The following TACC2 variants were observed in gnomAD, a reference collection of about 807,000 sequenced individuals.
The protein encoded by TACC2 is transforming acidic coiled-coil-containing protein 2.
A neutral mutation model predicts 227.3 loss-of-function variants in TACC2; 137 were observed. The ratio of observed to expected loss-of-function variants is 0.60; its 90% CI spans 0.52 to 0.69. The LOEUF (loss-of-function observed/expected upper bound fraction) is 0.69, where lower values mean the gene tolerates loss of function less well. Among genes scored for constraint, TACC2 ranks in the 30% least tolerant of loss-of-function variants. The pLI, the probability that TACC2 is intolerant of heterozygous loss-of-function variation, is 0.00. For synonymous variants in TACC2, 1,523 were observed against 1,487.5 expected, an observed-to-expected ratio of 1.02 and a Z score of -0.55; for missense variants, 3,470 against 3,694.4, an observed-to-expected ratio of 0.94 and a Z score of 1.57.
intron 5 of TACC2, among the ~76,000 whole-genome samples, chr10:122,105,391 A>T (rs2082636269): frequency 6.6e-6 from 1 of 152,156 alleles, no homozygotes; most frequent in Non-Finnish European, 1.5e-5. Flanking sequence ...TGGAGGGGGA[A>T]GTGATCAGGG....
At chr10:122,125,776 C>T (rs1170155260) in intron 5 of TACC2, among the ~76,000 whole-genome samples, 7 of 117,204 alleles carry the variant, frequency 6.0e-5, no homozygotes, top group South Asian at 2.9e-4. Flanking sequence ...AATATCCTTC[C>T]TTTTTTTTTT....
chr10:122,104,391 C>T lies in TACC2; in HGVS notation c.5573+15800C>T, dbSNP rs1342420025. ...TTATGATTTTTTTTTTCTTTTGAGA[C>T]GAAGTCTTGCTCTGTCACCCAGGCT... On this transcript the variant is annotated intron_variant, in intron 5 of 22. Transcript: ENST00000369005. Among the ~76,000 whole-genome samples, 11 of 151,620 alleles carry T rather than the reference C, an allele frequency of 7.3e-5. 1 individual carries two copies. The highest frequency in any genetic ancestry group is 1.5e-4 in the African/African-American group (6 of 41,298).
chr10:122,122,160 C>G (rs1471004556), intron 5 of TACC2, among the ~76,000 whole-genome samples: 3 of 152,196 alleles, frequency 2.0e-5, no homozygotes, highest in Non-Finnish European at 2.9e-5. Context: ...TCGAGACCAT[C>G]CTGGCTAACA....
intron 5 of TACC2, among the ~76,000 whole-genome samples, chr10:122,120,564 C>G (rs1199349547): frequency 6.6e-6 from 1 of 152,154 alleles, no homozygotes; most frequent in Non-Finnish European, 1.5e-5. Context: ...GTCGACGCTG[C>G]TCTGAGGCTG....
At chr10:122,213,358 A>G in intron 9 of TACC2, 1 of 1,612,068 alleles carries the variant, frequency 6.2e-7, no homozygotes, top group Non-Finnish European at 8.5e-7. Context: ...TGAAGATGTG[A>G]TGTCTGTGTG....
At chr10:122,143,742 C>T (rs746661012) in intron 7 of TACC2, 36 bp downstream of exon 7, 56 of 1,602,242 alleles carry the variant, frequency 3.5e-5, no homozygotes, top group Admixed American at 1.5e-4. Flanking sequence ...CACCTGCCCC[C>T]GGAGAGCAGG....
intron 3 of TACC2, among the ~76,000 whole-genome samples, chr10:122,075,467 C>G (rs768891067): frequency 1.3e-5 from 2 of 152,172 alleles, no homozygotes; most frequent in African/African-American, 4.8e-5. Context: ...ACTGGACTCA[C>G]GGGGGCTGGC....
rs780875270 is a variant in TACC2 at position 122,085,590 on chromosome 10, G to C, written c.3090G>C (p.Leu1030Phe). ...ATGGTTGTTCCCCACTCTGGGGCTT[G>C]AGTAAGAGGGAGATGGCAAGTGGAA... ...AADGCSPLWGLSKREMASGNT... is the reference protein window; with the variant it reads ...AADGCSPLWGFSKREMASGNT... The change falls in exon 4 of 23, where the codon TTG (leucine) becomes TTC (phenylalanine). Residue 1030 changes from leucine to phenylalanine, a missense_variant. Around this residue, in one of 10 missense-constraint regions of TACC2, gnomAD observed 1,924 missense variants for 1,978.3 expected, o/e 0.97. Coordinates refer to ENST00000369005, the MANE Select transcript of TACC2 (RefSeq NM_206862.4). 7 of 1,613,186 alleles carry C rather than the reference G, an allele frequency of 4.3e-6. No homozygotes were observed. The highest frequency in any genetic ancestry group is 5.9e-6 in the Non-Finnish European group (7 of 1,180,054).
Position 122,084,448 on chromosome 10 carries a change from C to T in TACC2, c.1948C>T (p.Gln650Ter). The change falls in exon 4 of 23, where the codon CAG (glutamine) becomes TAG (stop). Residue 650 changes from glutamine (Q) to a stop codon, truncating the protein, a stop_gained. Coordinates refer to ENST00000369005, the MANE Select transcript of TACC2 (RefSeq NM_206862.4). LOFTEE classifies it high-confidence loss of function. ...TGGGCACACGGACGGGCCCCACTCT[C>T]AGACAGCAGAGGCTGATGCATCTGG... ...GAGHTDGPHS[Q>*]TAEADASGLP... The T allele has an allele frequency of 6.2e-7, 1 of 1,612,916 alleles. No individual in the cohort carries two copies. The highest frequency in any genetic ancestry group is 8.5e-7 in the Non-Finnish European group (1 of 1,180,008).
chr10:122,212,588 A>T (rs967439677), intron 9 of TACC2, among the ~76,000 whole-genome samples: 3 of 152,178 alleles, frequency 2.0e-5, no homozygotes, highest in Non-Finnish European at 4.4e-5. Context: ...GGCTGAGGAG[A>T]TCAGTCTCCC....
At chr10:122,142,934 T>C (rs980723382) in intron 6 of TACC2, among the ~76,000 whole-genome samples, 2 of 152,226 alleles carry the variant, frequency 1.3e-5, no homozygotes, top group African/African-American at 4.8e-5. Context: ...TTGGCTTTTG[T>C]GGGGAGTGGT....
Position 122,086,989 on chromosome 10 carries a change from C to T in TACC2, c.4489C>T (p.Leu1497Phe), listed in dbSNP as rs1236328663. 6 of 1,613,860 alleles carry T rather than the reference C, an allele frequency of 3.7e-6. No individual in the cohort carries two copies. The highest frequency in any genetic ancestry group is 5.1e-6 in the Non-Finnish European group (6 of 1,180,050). ...LALQDPASDKLLGPAGLTWER... is the reference protein window; with the variant it reads ...LALQDPASDKFLGPAGLTWER... Reference sequence around the variant, plus strand: ...TCTGCAAGATCCAGCTTCAGACAAGCTTCTGGGTCCAGCAGGGCTGACCTG... The same window carrying T: ...TCTGCAAGATCCAGCTTCAGACAAGTTTCTGGGTCCAGCAGGGCTGACCTG... The change falls in exon 4 of 23, where the codon CTT becomes TTT. Residue 1497 changes from leucine to phenylalanine, a missense_variant. Coordinates refer to ENST00000369005, the MANE Select transcript of TACC2 (RefSeq NM_206862.4).
rs753289073 is a variant in TACC2 at position 122,050,457 on chromosome 10, C to T, written c.53C>T (p.Thr18Ile). 28 of 1,614,088 alleles carry T rather than the reference C, an allele frequency of 1.7e-5. No homozygotes were observed. The highest frequency in any genetic ancestry group is 3.3e-4 in the Middle Eastern group (2 of 6,060). ...SDNQRTLSAQTPRSAQPPGNS... is the reference protein window; with the variant it reads ...SDNQRTLSAQIPRSAQPPGNS... ...GCTCAGAGGACTTTATCAGCTCAGA[C>T]TCCAAGGTCCGCGCAGCCACCCGGG... The change falls in exon 3 of 23, where the codon ACT (threonine) becomes ATT (isoleucine). Residue 18 changes from threonine (T) to isoleucine (I), a missense_variant. Thr to Ile is a moderately conservative substitution (Grantham distance 89). This residue lies in a region of TACC2 where 405 missense variants were observed against 389.6 expected (regional missense o/e 1.04). Coordinates refer to ENST00000369005, the MANE Select transcript of TACC2 (RefSeq NM_206862.4). The surrounding 1 kb of genome is among the most constrained non-coding windows in gnomAD (Gnocchi z 4.6).
At chr10:122,229,597 G>C (rs939822915) in intron 15 of TACC2, 111 bp downstream of exon 15, 2 of 1,250,736 alleles carry the variant, frequency 1.6e-6, no homozygotes, top group South Asian at 2.8e-5. Flanking sequence ...TGCCGAGAAC[G>C]TTCCCAGTGA....
chr10:122,122,779 C>T (rs528423685), intron 5 of TACC2, among the ~76,000 whole-genome samples: 73 of 152,128 alleles, frequency 4.8e-4, no homozygotes, highest in Non-Finnish European at 7.3e-4. Context: ...CAGAGCCCTT[C>T]GCACAACACC....
rs140008961 is a variant in TACC2, at chr10:122,040,285, G to C, written c.34-10153G>C. Reference sequence around the variant, plus strand: ...AGGGGGGCATCACCTGTTCCCGGGAGTGTCAGGGTCCTGGCTTATGTGTGT... The same window carrying C: ...AGGGGGGCATCACCTGTTCCCGGGACTGTCAGGGTCCTGGCTTATGTGTGT... On this transcript the variant is annotated intron_variant, in intron 2 of 22. Transcript: ENST00000369005. 2.8e-3 allele frequency among the ~76,000 whole-genome samples: 421 copies of C among 152,330 alleles called. 1 individual carries two copies. The highest frequency in any genetic ancestry group is 4.2e-3 in the Non-Finnish European group (284 of 68,028).
intron 6 of TACC2, among the ~76,000 whole-genome samples, chr10:122,140,629 G>A (rs564204006): frequency 3.9e-5 from 6 of 152,314 alleles, no homozygotes; most frequent in African/African-American, 1.4e-4. Flanking sequence ...GCAGCTGTCT[G>A]GAAGGTTCTG....
At chr10:122,163,714 C>G (rs2092969035) in intron 7 of TACC2, 1 of 1,137,764 alleles carries the variant, frequency 8.8e-7, no homozygotes, top group South Asian at 4.4e-5. Flanking sequence ...CGCGCGCACA[C>G]ATACGCGGCG....
In TACC2 at chr10:122,150,683, G is replaced by A. The variant is rs1305572203; in HGVS notation, c.5834+6977G>A. Among the ~76,000 whole-genome samples the A allele has an allele frequency of 6.6e-6, 1 of 152,152 alleles. No individual in the cohort carries two copies. The highest frequency in any genetic ancestry group is 6.5e-5 in the Admixed American group (1 of 15,268). The stretch of plus-strand genomic sequence containing the variant: ...GATGGGATATGGTACGAGCATGTGC[G>A]GCTCAGGACCCCACCATGCCCGAGT... On this transcript the variant is annotated intron_variant, in intron 7 of 22. Coordinates refer to ENST00000369005, the MANE Select transcript of TACC2 (RefSeq NM_206862.4). The surrounding 1 kb of genome is among the most constrained non-coding windows in gnomAD (Gnocchi z 4.0).
Sources: gnomAD v4.1 joint callset for allele counts (sites outside exome capture counted in the v4.1 genomes callset) on GRCh38, gnomAD v4.1.1 for gene constraint, gnomAD v4.1.1 regional missense constraint, Gnocchi (gnomAD v3.1) non-coding constraint, MANE v1.5 for transcripts, NCBI Gene and HGNC (gene_info 2026-07-23, HGNC 2026-07-21) for gene names.